MOXD1: variants seen among roughly 807,000 people sequenced by gnomAD.
The protein encoded by MOXD1 is monooxygenase DBH like 1.
Under a neutral mutation model 66.6 loss-of-function variants are expected in MOXD1, and 62 were observed. The observed-to-expected ratio is 0.93, with a 90% CI of 0.76 to 1.15. The LOEUF is 1.15. Ranked by LOEUF, MOXD1 falls within the 50% of genes most tolerant of loss-of-function variation. MOXD1 has a pLI of 0.00. For synonymous variants in MOXD1, 303 were observed against 281.9 expected, an observed-to-expected ratio of 1.07 and a Z score of -0.75; for missense variants, 847 against 754.6, an observed-to-expected ratio of 1.12 and a Z score of -1.44.
intron 10 of MOXD1, among the ~76,000 whole-genome samples, chr6:132,298,723 A>G (rs1382721533): frequency 6.6e-6 from 1 of 152,104 alleles, no homozygotes; most frequent in East Asian, 1.9e-4. Flanking sequence ...GTGAGATACC[A>G]TCTCACCAGT....
intron 4 of MOXD1, among the ~76,000 whole-genome samples, chr6:132,336,363 C>A (rs369718584): frequency 6.6e-6 from 1 of 152,180 alleles, no homozygotes; most frequent in African/African-American, 2.4e-5. Flanking sequence ...TAAAGTGATG[C>A]TGCCTATGGG....
intron 1 of MOXD1, among the ~76,000 whole-genome samples, chr6:132,385,181 GA>G (rs1285394120): frequency 1.3e-5 from 2 of 152,134 alleles, no homozygotes; most frequent in Non-Finnish European, 2.9e-5. Context: ...GGAAGCCTGG[GA>G]AGGAAACAGG....
At chr6:132,331,605 T>C (rs1276985268) in intron 4 of MOXD1, among the ~76,000 whole-genome samples, 1 of 152,204 alleles carries the variant, frequency 6.6e-6, no homozygotes, top group Non-Finnish European at 1.5e-5. Context: ...ACCTACTATC[T>C]ACTAGCCACA....
At chr6:132,376,734 C>T (rs1194768051) in intron 1 of MOXD1, among the ~76,000 whole-genome samples, 4 of 61,678 alleles carry the variant, frequency 6.5e-5, no homozygotes, top group Admixed American at 1.6e-4. Flanking sequence ...AGGATGGTCT[C>T]GATCTCCTGA....
chr6:132,328,297 C>A, intron 5 of MOXD1, 118 bp downstream of exon 5: 1 of 1,364,196 alleles, frequency 7.3e-7, no homozygotes, highest in South Asian at 1.5e-5. Context: ...TGGAGTTAAG[C>A]CACCTTCATA....
At position 132,349,364 on chromosome 6, in the gene MOXD1, C is replaced by CATAT. The variant is rs370934846; in HGVS notation, c.664-20774_664-20771dup. On this transcript the variant is annotated intron_variant, in intron 4 of 11. Coordinates refer to ENST00000367963, the MANE Select transcript of MOXD1 (RefSeq NM_015529.4). ...CATCATATATATAGATATATTCCAT[C>CATAT]ATATATATATATACATGTATATATA... is the stretch of plus-strand genomic sequence containing the variant. Among the ~76,000 whole-genome samples the CATAT allele has an allele frequency of 7.3e-3, 649 of 89,130 alleles. 75 individuals are homozygous for CATAT. The highest frequency in any genetic ancestry group is 0.028 in the African/African-American group (574 of 20,468). 58.5% of individuals were successfully genotyped at this position (89,130 alleles called of 152,430 possible).
chr6:132,302,265 C>CAA (rs1194962049), intron 10 of MOXD1, among the ~76,000 whole-genome samples: 1 of 152,130 alleles, frequency 6.6e-6, no homozygotes, highest in Non-Finnish European at 1.5e-5. Context: ...ATTCTAGACT[C>CAA]ACGCTAACAA....
At chr6:132,398,649 C>A (rs1776950507) in intron 1 of MOXD1, among the ~76,000 whole-genome samples, 1 of 152,050 alleles carries the variant, frequency 6.6e-6, no homozygotes, top group Non-Finnish European at 1.5e-5. Flanking sequence ...ATTTAAGAAT[C>A]CTATTTATGG....
intron 1 of MOXD1, among the ~76,000 whole-genome samples, chr6:132,383,809 C>T (rs1008643146): frequency 6.6e-6 from 1 of 152,158 alleles, no homozygotes; most frequent in South Asian, 2.1e-4. Flanking sequence ...GTGGCTCGCA[C>T]CTGTAATTCC....
At chr6:132,352,127 T>G (rs957499536) in intron 4 of MOXD1, among the ~76,000 whole-genome samples, 6 of 152,154 alleles carry the variant, frequency 3.9e-5, no homozygotes, top group Non-Finnish European at 5.9e-5. Context: ...TGTTTCCATT[T>G]CTTTTAGTTC....
At chr6:132,359,959 C>G (rs1422850366) in intron 4 of MOXD1, among the ~76,000 whole-genome samples, 1 of 152,134 alleles carries the variant, frequency 6.6e-6, no homozygotes, top group African/African-American at 2.4e-5. Context: ...ATCCATTTAT[C>G]CTGACAACAA....
At chr6:132,360,929 T>A (rs1776006447) in intron 4 of MOXD1, among the ~76,000 whole-genome samples, 1 of 152,166 alleles carries the variant, frequency 6.6e-6, no homozygotes, top group Non-Finnish European at 1.5e-5. Flanking sequence ...AAAGTGTCTC[T>A]CCTATATTTT....
intron 10 of MOXD1, among the ~76,000 whole-genome samples, chr6:132,313,457 A>G (rs1270100896): frequency 1.3e-5 from 2 of 152,220 alleles, no homozygotes; most frequent in Non-Finnish European, 2.9e-5. Flanking sequence ...TCTATGAATC[A>G]TAAATTTAAT....
rs568106610 is a variant in MOXD1 at position 132,329,455 on chromosome 6, AT to A, written c.664-862del. Among the ~76,000 whole-genome samples the A allele has an allele frequency of 3.2e-4, 48 of 150,458 alleles. 1 individual carries two copies. Among genetic ancestry groups the A allele is most frequent in the Admixed American group, 2.2e-3 (33 of 15,084 alleles). On this transcript the variant is annotated intron_variant, in intron 4 of 11. Transcript: ENST00000367963. ...ATACATGTGCATGTGTCTTTATAGC[AT>A]TTTTTTTTCACATAGAAAAAAAGAA...
intron 4 of MOXD1, among the ~76,000 whole-genome samples, chr6:132,334,180 G>T (rs576663073): frequency 1.3e-5 from 2 of 152,306 alleles, no homozygotes; most frequent in East Asian, 3.9e-4. Flanking sequence ...GAAATAAAAT[G>T]AATACTACCC....
At chr6:132,352,314 G>A (rs1775817350) in intron 4 of MOXD1, among the ~76,000 whole-genome samples, 1 of 152,218 alleles carries the variant, frequency 6.6e-6, no homozygotes, top group South Asian at 2.1e-4. Context: ...GTATCCCACA[G>A]ATTTTGATAG....
At chr6:132,309,928 G>A (rs1774786721) in intron 10 of MOXD1, among the ~76,000 whole-genome samples, 1 of 152,162 alleles carries the variant, frequency 6.6e-6, no homozygotes, top group Non-Finnish European at 1.5e-5. Context: ...ATACCATTCA[G>A]GACATAGGCA....
rs140947218 is a variant in MOXD1, at chr6:132,305,947, T to C, written c.1509-7992A>G. Among the ~76,000 whole-genome samples, 543 of 151,960 alleles carry C rather than the reference T, an allele frequency of 3.6e-3. 4 individuals carry two copies. The highest frequency in any genetic ancestry group is 0.012 in the African/African-American group (504 of 41,418). ...ATGCTGAAAATCCAAAAGGTCAGAG[T>C]GCCTCTTCTCCTCCAAATGATTGCA... On this transcript the variant is annotated intron_variant, in intron 10 of 11. Transcript: ENST00000367963.
intron 4 of MOXD1, among the ~76,000 whole-genome samples, chr6:132,338,208 G>A (rs967221334): frequency 5.3e-5 from 8 of 152,144 alleles, no homozygotes; most frequent in African/African-American, 9.7e-5. Flanking sequence ...TGGCGGTCTG[G>A]ATCAAGAATG....
Sources: gnomAD v4.1 joint callset for allele counts (sites outside exome capture counted in the v4.1 genomes callset) on GRCh38, gnomAD v4.1.1 for gene constraint, MANE v1.5 for transcripts, NCBI Gene and HGNC (gene_info 2026-07-23, HGNC 2026-07-21) for gene names.